The following MGST1 variants were observed in gnomAD, a reference collection of about 807,000 sequenced individuals.
MGST1 encodes microsomal glutathione S-transferase 1.
A neutral mutation model predicts 8.9 loss-of-function variants in MGST1; 5 were observed. That is an observed-to-expected ratio of 0.56 (90% confidence interval 0.29 to 1.19). The LOEUF is 1.19. Ranked by LOEUF, MGST1 falls within the 50% of genes most tolerant of loss-of-function variation. The pLI is 0.08. For missense variants in MGST1, 182 were observed against 187.4 expected (o/e 0.97, Z 0.17); for synonymous variants, 54 against 67.8 (o/e 0.80, Z 1.00).
In MGST1 at chr12:16,513,413, T is replaced by G. The variant is rs1287264266; in HGVS notation, n.483-76115T>G. The G allele has an allele frequency of 7.6e-6, 3 of 393,024 alleles. No individual in the cohort carries two copies. The highest frequency in any genetic ancestry group is 1.5e-5 in the Non-Finnish European group (3 of 201,878). The allele number at this position is 393,024 out of a possible 1,614,324, so 24.3% of individuals were successfully genotyped here. A position where few individuals can be genotyped will look rare whatever the true frequency, so the allele number is the denominator to read the frequency against. The stretch of plus-strand genomic sequence containing the variant: ...CACCATGGCTCCTCTGCGCTCCAGC[T>G]GCGTCGTCTCCGGGATCGCCGCCGC... On this transcript the variant is annotated intron_variant and non_coding_transcript_variant, in intron 4 of 4. Coordinates refer to the MGST1 transcript ENST00000538857. This position sits in a 1 kb window ranked among gnomAD's most constrained non-coding sequence, Gnocchi z 4.2.
In MGST1 at chr12:16,369,484, G is replaced by T. The variant is rs1940254222; in HGVS notation, c.222-6638G>T. Among the ~76,000 whole-genome samples, 1 of 152,088 alleles carries T rather than the reference G, an allele frequency of 6.6e-6. No homozygotes were observed. Among genetic ancestry groups the T allele is most frequent in the African/African-American group, 2.4e-5 (1 of 41,428 alleles). ...GGCTGATTCAGAAAGATCTCAACTA[G>T]GGTTACTTGGGCAACTCAACTCTCT... On this transcript the variant is annotated intron_variant, in intron 3 of 3. Coordinates refer to the MGST1 transcript ENST00000535309. This position sits in a 1 kb window ranked among gnomAD's most constrained non-coding sequence, Gnocchi z 4.8.
At chr12:16,579,935 G>A (rs945320017) in intron 4 of MGST1, among the ~76,000 whole-genome samples, 1 of 152,160 alleles carries the variant, frequency 6.6e-6, no homozygotes, top group African/African-American at 2.4e-5. Flanking sequence ...GTATCTGTTG[G>A]TATTTAAGTA....
chr12:16,517,069 G>A lies in MGST1; in HGVS notation n.483-72459G>A, dbSNP rs1941620205. ...AACCCCCAAGAATATAGACATGAAT[G>A]AAATTGGAGTTACATTAAAAAAAAT... On this transcript the variant is annotated intron_variant and non_coding_transcript_variant, in intron 4 of 4. Coordinates refer to the MGST1 transcript ENST00000538857. This position sits in a 1 kb window ranked among gnomAD's most constrained non-coding sequence, Gnocchi z 4.2. Among the ~76,000 whole-genome samples, 1 of 152,078 alleles carries A rather than the reference G, an allele frequency of 6.6e-6. No homozygotes were observed. Among genetic ancestry groups the A allele is most frequent in the Admixed American group, 6.6e-5 (1 of 15,246 alleles).
chr12:16,541,800 A>C (rs1465760606), intron 4 of MGST1, among the ~76,000 whole-genome samples: 3 of 152,198 alleles, frequency 2.0e-5, no homozygotes, highest in African/African-American at 7.2e-5. Flanking sequence ...AATCAGGCTA[A>C]GTAAGAATAT....
intron 4 of MGST1, among the ~76,000 whole-genome samples, chr12:16,488,054 C>T (rs925349202): frequency 2.6e-5 from 4 of 151,996 alleles, no homozygotes; most frequent in African/African-American, 9.7e-5. Context: ...AAGGATTGAT[C>T]AAGTTATTTA....
intron 1 of MGST1, among the ~76,000 whole-genome samples, chr12:16,405,878 A>G (rs1361887195): frequency 6.6e-6 from 1 of 151,992 alleles, no homozygotes; most frequent in African/African-American, 2.4e-5. Context: ...CATATTAAAA[A>G]CTCTTAAACT....
rs946852506 is a variant in MGST1 at position 16,413,521 on chromosome 12, C to T, written n.779-23867C>T. On this transcript the variant is annotated intron_variant and non_coding_transcript_variant, in intron 1 of 1. Transcript: ENST00000359720. This position sits in a 1 kb window ranked among gnomAD's most constrained non-coding sequence, Gnocchi z 4.0. ...GTTGAAAGAGAATTCTCCCAGCATCCGTATCTGGATTGAAAGGGTAGATGG... is the reference window on the plus strand; with the variant it reads ...GTTGAAAGAGAATTCTCCCAGCATCTGTATCTGGATTGAAAGGGTAGATGG... Among the ~76,000 whole-genome samples, 21 of 152,194 alleles carry T rather than the reference C, an allele frequency of 1.4e-4. No individual in the cohort carries two copies. The highest frequency in any genetic ancestry group is 1.0e-3 in the Admixed American group (16 of 15,282).
At chr12:16,473,219 A>T (rs981341606) in intron 4 of MGST1, among the ~76,000 whole-genome samples, 4 of 152,142 alleles carry the variant, frequency 2.6e-5, no homozygotes, top group African/African-American at 4.8e-5. Context: ...TATTTGGCAA[A>T]GTCTGGAGAC....
At chr12:16,539,187 A>AAT (rs1260774835) in intron 4 of MGST1, among the ~76,000 whole-genome samples, 1 of 152,118 alleles carries the variant, frequency 6.6e-6, no homozygotes, top group Non-Finnish European at 1.5e-5. Context: ...GGTAACATAT[A>AAT]ATCTATCACT....
At chr12:16,388,646 A>G (rs1051700544) in intron 1 of MGST1, among the ~76,000 whole-genome samples, 1 of 152,216 alleles carries the variant, frequency 6.6e-6, no homozygotes, top group African/African-American at 2.4e-5. Flanking sequence ...TCAGCTGGCT[A>G]TAAGTGTCCT....
chr12:16,399,527 T>C, intron 1 of MGST1: 1 of 1,559,340 alleles, frequency 6.4e-7, no homozygotes, highest in South Asian at 1.1e-5. Context: ...CTTCTGCTTC[T>C]GATGAATAAT....
intron 1 of MGST1, among the ~76,000 whole-genome samples, chr12:16,429,842 G>A (rs1285115150): frequency 2.0e-5 from 3 of 152,212 alleles, no homozygotes; most frequent in Admixed American, 1.3e-4. Context: ...GAAAGTTGGG[G>A]TGGCTGTGGC....
At chr12:16,469,719 G>C (rs1941280401) in intron 4 of MGST1, among the ~76,000 whole-genome samples, 1 of 152,198 alleles carries the variant, frequency 6.6e-6, no homozygotes, top group East Asian at 1.9e-4. Flanking sequence ...AATGAAGTCA[G>C]AATTGCACAG....
At chr12:16,349,689 A>T (rs1298107037) in intron 1 of MGST1, among the ~76,000 whole-genome samples, 1 of 151,936 alleles carries the variant, frequency 6.6e-6, no homozygotes, top group East Asian at 1.9e-4. Context: ...ACAGCGCCAA[A>T]GTCGGAAGTT....
At position 16,459,153 on chromosome 12, in the gene MGST1, GTTA is replaced by G. The variant is rs368624539; in HGVS notation, n.482+75555_482+75557del. ...CTGTTTATTTTTCTAAATTTAATCA[GTTA>G]TTATTTGGTTCTTCCATTCACTTCC... On this transcript the variant is annotated intron_variant and non_coding_transcript_variant, in intron 4 of 4. Coordinates refer to the MGST1 transcript ENST00000538857. 3.3e-3 allele frequency among the ~76,000 whole-genome samples: 506 copies of G among 152,172 alleles called. 2 individuals are homozygous for G. The highest frequency in any genetic ancestry group is 0.012 in the African/African-American group (487 of 41,550).
chr12:16,433,209 TA>T (rs1940954979), intron 1 of MGST1, among the ~76,000 whole-genome samples: 2 of 152,038 alleles, frequency 1.3e-5, no homozygotes, highest in Non-Finnish European at 2.9e-5. Flanking sequence ...CTAATCTTTC[TA>T]CGTTCTTCTG....
At chr12:16,551,319 A>G (rs769000907) in intron 4 of MGST1, 1 of 1,590,630 alleles carries the variant, frequency 6.3e-7, no homozygotes, top group Non-Finnish European at 8.6e-7. Context: ...TTTGTCTCCA[A>G]CACAAAATCT....
Position 16,389,071 on chromosome 12 carries a change from A to C in MGST1, n.778+5467A>C, listed in dbSNP as rs1555098812. ...AATCTTGTAAAGTGCCACTTTGCGT[A>C]TCTGAAGACAAATACAGGTGGCATA... On this transcript the variant is annotated intron_variant and non_coding_transcript_variant, in intron 1 of 1. Coordinates refer to the MGST1 transcript ENST00000359720. This position sits in a 1 kb window ranked among gnomAD's most constrained non-coding sequence, Gnocchi z 4.6. 3.3e-5 allele frequency among the ~76,000 whole-genome samples: 5 copies of C among 152,246 alleles called. No individual in the cohort carries two copies. The highest frequency in any genetic ancestry group is 7.3e-5 in the Non-Finnish European group (5 of 68,040).
chr12:16,541,031 A>G (rs1941790083), intron 4 of MGST1, among the ~76,000 whole-genome samples: 2 of 151,432 alleles, frequency 1.3e-5, no homozygotes, highest in African/African-American at 2.5e-5. Context: ...ATATTTTAAT[A>G]CACACATATA....
Sources: allele counts gnomAD v4.1 joint callset (sites outside exome capture counted in the v4.1 genomes callset), GRCh38; gene constraint gnomAD v4.1.1; non-coding constraint Gnocchi (gnomAD v3.1); transcripts MANE v1.5; gene names NCBI Gene and HGNC (gene_info 2026-07-23, HGNC 2026-07-21).